The following ABTB2 variants were observed in gnomAD, a reference collection of about 807,000 sequenced individuals.
ABTB2 encodes the protein ankyrin repeat and BTB/POZ domain-containing protein 2.
A neutral mutation model predicts 104.1 loss-of-function variants in ABTB2; 56 were observed. That is an observed-to-expected ratio of 0.54 (90% CI 0.43 to 0.67). The LOEUF (loss-of-function observed/expected upper bound fraction) is 0.67. Ranked by LOEUF, ABTB2 falls within the 30% of genes least tolerant of loss-of-function variation. The pLI is 0.00. For missense variants in ABTB2, 1,279 were observed against 1,407.7 expected (o/e 0.91, Z 1.46); for synonymous variants, 606 against 608.2 (o/e 1.00, Z 0.05).
At chr11:34,300,167 A>G (rs980029394) in intron 1 of ABTB2, among the ~76,000 whole-genome samples, 2 of 152,196 alleles carry the variant, frequency 1.3e-5, no homozygotes, top group Non-Finnish European at 2.9e-5. Flanking sequence ...CTGCCATGCT[A>G]GCTCAGCATG....
At chr11:34,349,680 C>T (rs1855375530) in intron 1 of ABTB2, among the ~76,000 whole-genome samples, 1 of 152,220 alleles carries the variant, frequency 6.6e-6, no homozygotes, top group South Asian at 2.1e-4. Context: ...TCTTATAGAG[C>T]TGTGTTTCAC....
intron 1 of ABTB2, among the ~76,000 whole-genome samples, chr11:34,348,759 AC>A (rs1300378513): frequency 2.6e-5 from 4 of 152,158 alleles, no homozygotes; most frequent in African/African-American, 9.7e-5. Context: ...CCTGAAAAGC[AC>A]CCGCAATGGG....
intron 1 of ABTB2, among the ~76,000 whole-genome samples, chr11:34,220,698 T>C (rs1239527733): frequency 1.3e-5 from 2 of 152,224 alleles, no homozygotes; most frequent in Non-Finnish European, 2.9e-5. Context: ...TGCCTATCCC[T>C]GAACCTCTTG....
chr11:34,222,797 C>G (rs1382259547), intron 1 of ABTB2, among the ~76,000 whole-genome samples: 2 of 152,186 alleles, frequency 1.3e-5, no homozygotes, highest in African/African-American at 4.8e-5. Flanking sequence ...TCCTTGCCTC[C>G]CTATGGGAAA....
chr11:34,254,485 T>C (rs887714917), intron 1 of ABTB2, among the ~76,000 whole-genome samples: 1 of 151,856 alleles, frequency 6.6e-6, no homozygotes, highest in Admixed American at 6.6e-5. Flanking sequence ...AATCCTGGGC[T>C]CAAGTGATCC....
At chr11:34,323,565 C>T (rs1855030951) in intron 1 of ABTB2, among the ~76,000 whole-genome samples, 1 of 152,150 alleles carries the variant, frequency 6.6e-6, no homozygotes. Context: ...GTTCAAATGT[C>T]ACCCTGTCAC....
chr11:34,297,797 AAAG>A (rs2133096824), intron 1 of ABTB2, among the ~76,000 whole-genome samples: 1 of 80,756 alleles, frequency 1.2e-5, no homozygotes, highest in South Asian at 3.6e-4. Flanking sequence ...AAAATAAAGG[AAAG>A]AAAAAGAAAA....
intron 14 of ABTB2, among the ~76,000 whole-genome samples, chr11:34,157,314 G>A (rs1852642235): frequency 6.6e-6 from 1 of 152,228 alleles, no homozygotes; most frequent in African/African-American, 2.4e-5. Context: ...GAGGCCCAGG[G>A]GAAGGCATGT....
intron 1 of ABTB2, among the ~76,000 whole-genome samples, chr11:34,273,385 G>T (rs1224917544): frequency 6.6e-6 from 1 of 152,188 alleles, no homozygotes; most frequent in Non-Finnish European, 1.5e-5. Context: ...TCTCTGTTGG[G>T]GAACCTCGAC....
chr11:34,287,907 G>A (rs955942859), intron 1 of ABTB2, among the ~76,000 whole-genome samples: 1 of 152,062 alleles, frequency 6.6e-6, no homozygotes, highest in Non-Finnish European at 1.5e-5. Flanking sequence ...CACAGTCAGA[G>A]AGCCACCTTG....
At chr11:34,273,359 TG>T (rs1309748358) in intron 1 of ABTB2, among the ~76,000 whole-genome samples, 1 of 152,206 alleles carries the variant, frequency 6.6e-6, no homozygotes, top group African/African-American at 2.4e-5. Flanking sequence ...GGCCTGCTCT[TG>T]CAAGGCCCGG....
At chr11:34,275,489 T>C (rs947110955) in intron 1 of ABTB2, among the ~76,000 whole-genome samples, 2 of 152,112 alleles carry the variant, frequency 1.3e-5, no homozygotes, top group Non-Finnish European at 2.9e-5. Context: ...CTCTCTTTTT[T>C]TTTTGTATCC....
In ABTB2 at chr11:34,165,440, C is replaced by T; in HGVS notation, c.1756-84G>A. 4.4e-6 allele frequency: 5 copies of T among 1,145,056 alleles called. No individual in the cohort carries two copies. In the South Asian group the frequency reaches 7.3e-5, roughly 17 times the overall value. The allele number at this position is 1,145,056 out of a possible 1,614,324, so 70.9% of individuals were successfully genotyped here. On this transcript the variant is annotated intron_variant, in intron 7 of 16. Transcript: ENST00000435224. ...GGCCAGGGTGCTTTCGGGGACAGGG[C>T]CTTTGCTTCTCTCCAGGCATGTGAC... is the stretch of plus-strand genomic sequence containing the variant.
chr11:34,287,750 T>C (rs552546548), intron 1 of ABTB2, among the ~76,000 whole-genome samples: 4 of 152,312 alleles, frequency 2.6e-5, no homozygotes, highest in Admixed American at 1.3e-4. Context: ...TATTTTACCT[T>C]GGAGAGGCCT....
intron 1 of ABTB2, among the ~76,000 whole-genome samples, chr11:34,333,052 G>A (rs1390745616): frequency 2.0e-5 from 3 of 152,140 alleles, no homozygotes; most frequent in East Asian, 1.9e-4. Context: ...AATATTTCTC[G>A]AATGATTTTA....
intron 1 of ABTB2, among the ~76,000 whole-genome samples, chr11:34,225,161 C>T (rs564121522): frequency 6.6e-6 from 1 of 152,320 alleles, no homozygotes; most frequent in South Asian, 2.1e-4. Context: ...CCCGTCTCCT[C>T]CAATTGCTCA....
chr11:34,168,885 A>C (rs76941139), intron 5 of ABTB2, among the ~76,000 whole-genome samples: 1,757 of 152,332 alleles, frequency 0.012, 39 homozygotes, highest in African/African-American at 0.04. Flanking sequence ...TGTTTATTCC[A>C]CGGCTGGATC....
chr11:34,190,411 C>G (rs1011539465), intron 3 of ABTB2, among the ~76,000 whole-genome samples: 8 of 152,212 alleles, frequency 5.3e-5, no homozygotes, highest in Admixed American at 3.3e-4. Context: ...CATCATGCAC[C>G]TGAGCTTCCT....
At chr11:34,194,802 G>A (rs1041941632) in intron 3 of ABTB2, among the ~76,000 whole-genome samples, 1 of 151,008 alleles carries the variant, frequency 6.6e-6, no homozygotes, top group Non-Finnish European at 1.5e-5. Flanking sequence ...CCTAATGGGG[G>A]TTCCAATTCC....
Sources: gnomAD v4.1 joint callset for allele counts (sites outside exome capture counted in the v4.1 genomes callset) on GRCh38, gnomAD v4.1.1 for gene constraint, MANE v1.5 for transcripts, NCBI Gene and HGNC (gene_info 2026-07-23, HGNC 2026-07-21) for gene names.